The following CPED1 variants were observed in gnomAD, a reference collection of about 807,000 sequenced individuals.
The protein encoded by CPED1 is cadherin-like and PC-esterase domain-containing protein 1.
A neutral mutation model predicts 128.2 loss-of-function variants in CPED1; 114 were observed. That is an observed-to-expected ratio of 0.89 (90% CI 0.76 to 1.04). The LOEUF (loss-of-function observed/expected upper bound fraction) is 1.04, where lower values mean the gene tolerates loss of function less well. Ranked by LOEUF, CPED1 falls within the 50% of genes least tolerant of loss-of-function variation. CPED1 has a pLI of 0.00. For missense variants in CPED1, 1,211 were observed against 1,207.1 expected, an observed-to-expected ratio of 1.00 and a Z score of -0.05; for synonymous variants, 462 against 426.7, an observed-to-expected ratio of 1.08 and a Z score of -1.02.
intron 4 of CPED1, among the ~76,000 whole-genome samples, chr7:121,053,483 A>G (rs1448892659): frequency 6.6e-6 from 1 of 152,222 alleles, no homozygotes; most frequent in African/African-American, 2.4e-5. Context: ...ATCAAGGGGC[A>G]TATGATGTCC....
intron 2 of CPED1, among the ~76,000 whole-genome samples, chr7:120,993,653 G>A (rs1796345661): frequency 6.6e-6 from 1 of 152,150 alleles, no homozygotes; most frequent in African/African-American, 2.4e-5. Context: ...AGAACTGGAG[G>A]CAAACACTTG....
At position 121,180,672 on chromosome 7, in the gene CPED1, A is replaced by G. The variant is rs150870811; in HGVS notation, c.2055+38531A>G. Among the ~76,000 whole-genome samples, 751 of 152,106 alleles carry G rather than the reference A, an allele frequency of 4.9e-3. 10 individuals are homozygous for G. Among genetic ancestry groups the G allele is most frequent in the Admixed American group, 0.027 (413 of 15,232 alleles). On this transcript the variant is annotated intron_variant, in intron 16 of 22. Transcript: ENST00000310396. ...TCCATCAATTTTTCTTTGCTACACA[A>G]TGGAGAAGAGAAGAGAGAACAGGAA...
At chr7:121,249,896 A>C (rs1273214838) in intron 18 of CPED1, among the ~76,000 whole-genome samples, 2 of 152,224 alleles carry the variant, frequency 1.3e-5, no homozygotes, top group African/African-American at 2.4e-5. Context: ...CCCACTGTCA[A>C]CATTAGACAG....
chr7:121,124,162 T>A (rs1207763964), intron 7 of CPED1, among the ~76,000 whole-genome samples, 169 bp from the exon 8 acceptor site: 1 of 152,188 alleles, frequency 6.6e-6, no homozygotes. Flanking sequence ...ACCTTTCTCT[T>A]TCAATATACC....
At chr7:121,066,393 A>G (rs1332809348) in intron 5 of CPED1, among the ~76,000 whole-genome samples, 1 of 152,082 alleles carries the variant, frequency 6.6e-6, no homozygotes, top group Non-Finnish European at 1.5e-5. Context: ...GGCAGATTGT[A>G]TATGTGTGTA....
intron 4 of CPED1, among the ~76,000 whole-genome samples, chr7:121,061,582 T>C (rs954136317): frequency 6.6e-6 from 1 of 152,188 alleles, no homozygotes; most frequent in African/African-American, 2.4e-5. Flanking sequence ...GAAATCTCTG[T>C]GTCTTCTGCT....
At chr7:121,030,980 A>G (rs6944789) in intron 3 of CPED1, among the ~76,000 whole-genome samples, 71,697 of 152,090 alleles carry the variant, frequency 0.47, 18,134 homozygotes, top group South Asian at 0.64. Context: ...TCATATATCC[A>G]AAGCAGTTCA....
At chr7:121,199,536 G>T (rs540470192) in intron 16 of CPED1, among the ~76,000 whole-genome samples, 1 of 151,448 alleles carries the variant, frequency 6.6e-6, no homozygotes, top group African/African-American at 2.4e-5. Context: ...AATTAGCTGG[G>T]GGTGGTGGTG....
chr7:121,158,487 C>A (rs1249070339), intron 16 of CPED1, among the ~76,000 whole-genome samples: 3 of 152,106 alleles, frequency 2.0e-5, no homozygotes. Flanking sequence ...ACCTTGCTTC[C>A]TCTTGGCTCT....
At chr7:121,256,238 T>C (rs942386195) in intron 18 of CPED1, among the ~76,000 whole-genome samples, 8 of 148,180 alleles carry the variant, frequency 5.4e-5, no homozygotes, top group Non-Finnish European at 1.2e-4. Context: ...ACCAGACACA[T>C]AGACAAGTGG....
chr7:121,025,229 A>G (rs1340191433), intron 3 of CPED1, among the ~76,000 whole-genome samples: 1 of 152,034 alleles, frequency 6.6e-6, no homozygotes, highest in East Asian at 1.9e-4. Context: ...TTGGGTAATA[A>G]AGCCTTAAGA....
At chr7:121,198,838 C>T (rs1797326198) in intron 16 of CPED1, among the ~76,000 whole-genome samples, 1 of 152,150 alleles carries the variant, frequency 6.6e-6, no homozygotes, top group Non-Finnish European at 1.5e-5. Context: ...CTGTCTCTAT[C>T]AGTTATTTCT....
intron 16 of CPED1, among the ~76,000 whole-genome samples, chr7:121,182,488 T>C (rs1796921327): frequency 6.6e-6 from 1 of 151,926 alleles, no homozygotes; most frequent in Non-Finnish European, 1.5e-5. Context: ...TTTCTTCCTT[T>C]CTTTCCTCCT....
chr7:121,284,101 A>AACTT (rs1350953778), intron 22 of CPED1, among the ~76,000 whole-genome samples: 1 of 152,168 alleles, frequency 6.6e-6, no homozygotes, highest in Admixed American at 6.5e-5. Flanking sequence ...GGACTCAAGA[A>AACTT]ACTTACAACT....
intron 3 of CPED1, among the ~76,000 whole-genome samples, chr7:121,037,504 A>G (rs1302722261): frequency 6.6e-6 from 1 of 152,000 alleles, no homozygotes; most frequent in African/African-American, 2.4e-5. Context: ...CTATGTGCCT[A>G]TTTTTATACT....
At chr7:121,281,519 A>G (rs1207259840) in intron 22 of CPED1, among the ~76,000 whole-genome samples, 4 of 152,100 alleles carry the variant, frequency 2.6e-5, no homozygotes, top group Non-Finnish European at 4.4e-5. Context: ...ATGTGGAAAG[A>G]TCTATAATTA....
At chr7:121,011,219 A>C (rs937045910) in intron 2 of CPED1, among the ~76,000 whole-genome samples, 4 of 152,194 alleles carry the variant, frequency 2.6e-5, no homozygotes, top group African/African-American at 7.2e-5. Flanking sequence ...GAAAAAAAAA[A>C]CAAGTTTTAT....
intron 21 of CPED1, among the ~76,000 whole-genome samples, chr7:121,270,847 G>A (rs1289379302): frequency 6.6e-6 from 1 of 151,978 alleles, no homozygotes; most frequent in Non-Finnish European, 1.5e-5. Flanking sequence ...AGATGTTTTG[G>A]TTATTAGGGC....
At chr7:121,053,663 T>C (rs957722013) in intron 4 of CPED1, among the ~76,000 whole-genome samples, 57 of 152,230 alleles carry the variant, frequency 3.7e-4, no homozygotes, top group Non-Finnish European at 7.1e-4. Context: ...CAGAGGTGGA[T>C]CTTGCTCCCA....
Sources: gnomAD v4.1 joint callset for allele counts (sites outside exome capture counted in the v4.1 genomes callset) on GRCh38, gnomAD v4.1.1 for gene constraint, MANE v1.5 for transcripts, NCBI Gene and HGNC (gene_info 2026-07-23, HGNC 2026-07-21) for gene names.